The following TTC28 variants were observed in gnomAD, a reference collection of about 807,000 sequenced individuals.
TTC28 encodes tetratricopeptide repeat protein 28.
A neutral mutation model predicts 198.0 loss-of-function variants in TTC28; 61 were observed. The ratio of observed to expected loss-of-function variants is 0.31; its 90% CI spans 0.25 to 0.38. The LOEUF (loss-of-function observed/expected upper bound fraction) is 0.38. Ranked by LOEUF, TTC28 falls within the 10% of genes least tolerant of loss-of-function variation. The probability of loss-of-function intolerance (pLI) is 1.00; values close to 1 mark genes in which losing one functional copy is unlikely to be tolerated. For synonymous variants in TTC28, 1,171 were observed against 1,297.8 expected (o/e 0.90, Z 2.10); for missense variants, 2,678 against 3,164.0 (o/e 0.85, Z 3.69).
At chr22:27,996,613 G>A (rs1047863450) in intron 16 of TTC28, among the ~76,000 whole-genome samples, 2 of 152,118 alleles carry the variant, frequency 1.3e-5, no homozygotes, top group Admixed American at 1.3e-4. Context: ...GGGAGGGGAG[G>A]TGTGCTCATC....
chr22:28,282,391 G>A (rs528092810), intron 5 of TTC28, among the ~76,000 whole-genome samples: 1 of 152,218 alleles, frequency 6.6e-6, no homozygotes, highest in Middle Eastern at 3.4e-3. Flanking sequence ...ATGTACAAAA[G>A]ACTCTGGAAG....
At chr22:28,530,664 G>A (rs1262248150) in intron 2 of TTC28, among the ~76,000 whole-genome samples, 2 of 152,172 alleles carry the variant, frequency 1.3e-5, no homozygotes, top group African/African-American at 2.4e-5. Flanking sequence ...AGAGAGAAAG[G>A]TCGGGTTGCC....
chr22:28,334,009 AC>A (rs2045661818), intron 2 of TTC28, among the ~76,000 whole-genome samples: 1 of 44,360 alleles, frequency 2.3e-5, no homozygotes, highest in Admixed American at 3.1e-4. Flanking sequence ...CCCTCCCCCC[AC>A]CCCACAACAG....
chr22:28,627,084 GC>G (rs2051087741), intron 2 of TTC28, among the ~76,000 whole-genome samples: 1 of 151,986 alleles, frequency 6.6e-6, no homozygotes, highest in Non-Finnish European at 1.5e-5. Context: ...TATTTATAAG[GC>G]TCACTGCATC....
intron 2 of TTC28, among the ~76,000 whole-genome samples, chr22:28,625,893 T>C (rs1313781835): frequency 3.3e-5 from 5 of 152,288 alleles, no homozygotes; most frequent in Middle Eastern, 3.4e-3. Flanking sequence ...CATACTTATA[T>C]GGTCAAATGG....
intron 2 of TTC28, among the ~76,000 whole-genome samples, chr22:28,585,606 T>C (rs1314376593): frequency 6.6e-6 from 1 of 152,046 alleles, no homozygotes; most frequent in East Asian, 1.9e-4. Flanking sequence ...GGCCCAGGGG[T>C]TGGGGACCCC....
At chr22:28,049,421 T>A (rs772308605) in intron 12 of TTC28, among the ~76,000 whole-genome samples, 2 of 152,208 alleles carry the variant, frequency 1.3e-5, no homozygotes, top group Non-Finnish European at 1.5e-5. Flanking sequence ...TTAAACTTTC[T>A]TCCTGTGAGG....
At position 28,560,162 on chromosome 22, in the gene TTC28, A is replaced by C. The variant is rs537515830; in HGVS notation, c.381+69390T>G. On this transcript the variant is annotated intron_variant, in intron 2 of 22. Transcript: ENST00000397906. ...ATTCCTCGCTTTCTTTCACAACCCAAATTCAAATCCCTCCAAATCCTACTT... is the reference window on the plus strand; with the variant it reads ...ATTCCTCGCTTTCTTTCACAACCCACATTCAAATCCCTCCAAATCCTACTT... Among the ~76,000 whole-genome samples the C allele has an allele frequency of 2.0e-5, 3 of 152,276 alleles. No individual in the cohort carries two copies. The South Asian group carries it at 6.2e-4, about 32-fold the overall frequency.
At chr22:28,180,264 T>C (rs1228537489) in intron 5 of TTC28, among the ~76,000 whole-genome samples, 1 of 152,204 alleles carries the variant, frequency 6.6e-6, no homozygotes, top group Non-Finnish European at 1.5e-5. Flanking sequence ...TTAAATAATG[T>C]TCATAAACTT....
At chr22:28,499,500 A>G (rs943326640) in intron 2 of TTC28, among the ~76,000 whole-genome samples, 1 of 152,166 alleles carries the variant, frequency 6.6e-6, no homozygotes, top group Non-Finnish European at 1.5e-5. Context: ...TTCTATTACA[A>G]TAAGAAAATA....
intron 2 of TTC28, among the ~76,000 whole-genome samples, chr22:28,585,195 G>C (rs969898532): frequency 6.6e-6 from 1 of 152,112 alleles, no homozygotes; most frequent in African/African-American, 2.4e-5. Context: ...GATGATTCAA[G>C]AACATGAACA....
chr22:28,633,449 C>T (rs1412324614), intron 1 of TTC28, among the ~76,000 whole-genome samples: 7 of 151,946 alleles, frequency 4.6e-5, no homozygotes, highest in African/African-American at 1.7e-4. Context: ...GGCAACAAAG[C>T]AAGACCCTGT....
At chr22:28,621,605 T>C (rs1016451105) in intron 2 of TTC28, among the ~76,000 whole-genome samples, 2 of 150,364 alleles carry the variant, frequency 1.3e-5, no homozygotes, top group Admixed American at 6.6e-5. Context: ...TAGCTAGGTA[T>C]GATGGCACAT....
At position 28,082,965 on chromosome 22, in the gene TTC28, A is replaced by T. The variant is rs761062073; in HGVS notation, c.3932+11115T>A. Among the ~76,000 whole-genome samples the T allele has an allele frequency of 1.5e-3, 224 of 152,194 alleles. 4 individuals carry two copies. The highest frequency in any genetic ancestry group is 5.3e-4 in the Non-Finnish European group (36 of 68,026). ...CAGATATTTTATTTCTTCATGATTC[A>T]GTCTTGGTAGGTCATTCAAAATGTA... On this transcript the variant is annotated intron_variant, in intron 12 of 22. Coordinates refer to ENST00000397906, the MANE Select transcript of TTC28 (RefSeq NM_001145418.2).
chr22:28,575,141 T>C (rs1457482786), intron 2 of TTC28, among the ~76,000 whole-genome samples: 1 of 152,182 alleles, frequency 6.6e-6, no homozygotes, highest in Non-Finnish European at 1.5e-5. Flanking sequence ...TGTTTTCTTT[T>C]AGTAGTTTCA....
chr22:28,214,825 A>C (rs1345453707), intron 5 of TTC28, among the ~76,000 whole-genome samples: 1 of 152,242 alleles, frequency 6.6e-6, no homozygotes, highest in Non-Finnish European at 1.5e-5. Flanking sequence ...ATAAAGACAC[A>C]TGCACACGTA....
intron 15 of TTC28, chr22:27,999,496 A>G: frequency 3.3e-6 from 2 of 606,556 alleles, no homozygotes; most frequent in Non-Finnish European, 5.6e-6. Context: ...ACTGGATGGT[A>G]GGGGTCCTGA....
At chr22:28,074,717 T>C (rs946021630) in intron 12 of TTC28, among the ~76,000 whole-genome samples, 1 of 152,080 alleles carries the variant, frequency 6.6e-6, no homozygotes, top group African/African-American at 2.4e-5. Context: ...TTTTTTGTCT[T>C]TGGGCTGACA....
intron 3 of TTC28, among the ~76,000 whole-genome samples, chr22:28,298,613 T>C (rs2044950957): frequency 6.6e-6 from 1 of 152,106 alleles, no homozygotes; most frequent in South Asian, 2.1e-4. Flanking sequence ...CGTCTGTGGC[T>C]AATTTTCAAA....
Sources: gnomAD v4.1 joint callset for allele counts (sites outside exome capture counted in the v4.1 genomes callset) on GRCh38, gnomAD v4.1.1 for gene constraint, MANE v1.5 for transcripts, NCBI Gene and HGNC (gene_info 2026-07-23, HGNC 2026-07-21) for gene names.